METTL16: variants seen among roughly 807,000 people sequenced by gnomAD.
METTL16 encodes methyltransferase 16, RNA N6-adenosine.
In METTL16, 19 loss-of-function variants were observed where a neutral mutation model predicts 57.9. The ratio of observed to expected loss-of-function variants is 0.33; its 90% confidence interval spans 0.23 to 0.48. METTL16 has a LOEUF of 0.48. Ranked by LOEUF, METTL16 falls within the 20% of genes least tolerant of loss-of-function variation. The pLI is 0.99. For missense variants in METTL16, 434 were observed against 691.5 expected (o/e 0.63, Z 4.18); for synonymous variants, 246 against 255.6 (o/e 0.96, Z 0.36).
In METTL16 at chr17:2,441,453, AAGT is replaced by A. The variant is rs530731029; in HGVS notation, c.798+34_798+36del. 245 of 1,471,096 alleles carry A rather than the reference AAGT, an allele frequency of 1.7e-4. No individual in the cohort carries two copies. The African/African-American group carries it at 3.2e-3, about 19-fold the overall frequency. 91.1% of individuals were successfully genotyped at this position (1,471,096 alleles called of 1,614,324 possible). On this transcript the variant is annotated intron_variant, in intron 7 of 9. Coordinates refer to ENST00000263092, the MANE Select transcript of METTL16 (RefSeq NM_024086.4). ...ACTTGTGCCCCATGGATACAAAGAA[AAGT>A]AGCTACACGAGAACAGTAATGAGGA...
intron 2 of METTL16, among the ~76,000 whole-genome samples, chr17:2,487,562 T>A (rs934941596): frequency 6.6e-6 from 1 of 152,142 alleles, no homozygotes; most frequent in African/African-American, 2.4e-5. Context: ...AGGGTATCCA[T>A]GAAGGATAAA....
chr17:2,439,407 C>T (rs991390708), intron 7 of METTL16, among the ~76,000 whole-genome samples: 9 of 152,092 alleles, frequency 5.9e-5, no homozygotes, highest in Admixed American at 2.0e-4. Context: ...CCACTTTGCC[C>T]GGCCTGGGAG....
intron 2 of METTL16, among the ~76,000 whole-genome samples, chr17:2,499,063 C>T (rs1198281814): frequency 6.6e-6 from 1 of 151,600 alleles, no homozygotes; most frequent in Non-Finnish European, 1.5e-5. Flanking sequence ...TTCTCTAAAT[C>T]CCAAAGTCAG....
intron 6 of METTL16, among the ~76,000 whole-genome samples, chr17:2,446,815 G>A (rs1342618790): frequency 6.6e-6 from 1 of 152,128 alleles, no homozygotes; most frequent in Non-Finnish European, 1.5e-5. Flanking sequence ...GCTCCTAGCC[G>A]TGAGTGATCC....
intron 7 of METTL16, among the ~76,000 whole-genome samples, chr17:2,440,996 A>G (rs1312227638): frequency 1.4e-5 from 2 of 143,508 alleles, no homozygotes; most frequent in Non-Finnish European, 3.0e-5. Flanking sequence ...AAAAAAAAAA[A>G]GAAGAAGAAG....
At chr17:2,438,851 C>T (rs1437579836) in intron 7 of METTL16, among the ~76,000 whole-genome samples, 1 of 152,130 alleles carries the variant, frequency 6.6e-6, no homozygotes, top group African/African-American at 2.4e-5. Context: ...CTGGGCTAGA[C>T]ACAGGTAGGT....
At chr17:2,426,469 G>C (rs1038335693) in intron 8 of METTL16, among the ~76,000 whole-genome samples, 4 of 152,072 alleles carry the variant, frequency 2.6e-5, no homozygotes, top group Non-Finnish European at 5.9e-5. Context: ...CATGGCTCAC[G>C]CCTGTAATCC....
At chr17:2,456,156 C>T (rs561323799) in intron 6 of METTL16, among the ~76,000 whole-genome samples, 2 of 152,078 alleles carry the variant, frequency 1.3e-5, no homozygotes, top group Non-Finnish European at 2.9e-5. Context: ...ATTGCAAAAA[C>T]GCTGCACTAC....
In METTL16 at chr17:2,502,183, GATTTTTC is replaced by G; in HGVS notation, c.128+14_128+20del. On this transcript the variant is annotated intron_variant, in intron 2 of 9. Transcript: ENST00000263092. ...ATTTGAATCACACAAGAATAACAGT[GATTTTTC>G]ATCCGTTACCTACCTCACTCTTCCA... The G allele has an allele frequency of 6.2e-7, 1 of 1,610,102 alleles. No individual in the cohort carries two copies. Among genetic ancestry groups the G allele is most frequent in the Non-Finnish European group, 8.5e-7 (1 of 1,178,064 alleles).
chr17:2,472,859 A>C (rs2067243432), intron 4 of METTL16, among the ~76,000 whole-genome samples: 1 of 152,156 alleles, frequency 6.6e-6, no homozygotes, highest in African/African-American at 2.4e-5. Context: ...AGAGATGGAC[A>C]GTTGAGGCAC....
intron 8 of METTL16, among the ~76,000 whole-genome samples, chr17:2,437,367 A>C (rs2066916186): frequency 6.6e-6 from 1 of 152,184 alleles, no homozygotes; most frequent in Non-Finnish European, 1.5e-5. Context: ...CAATCCAAAA[A>C]GTCAACTTCT....
At position 2,418,498 on chromosome 17, in the gene METTL16, G is replaced by A. The variant is rs1486207831; in HGVS notation, c.*1472C>T. 1 of 152,450 alleles carries A rather than the reference G, an allele frequency of 6.6e-6. No individual in the cohort carries two copies. Among genetic ancestry groups the A allele is most frequent in the Non-Finnish European group, 1.5e-5 (1 of 68,222 alleles). 9.4% of individuals were successfully genotyped at this position (152,450 alleles called of 1,614,324 possible). On this transcript the variant is annotated 3_prime_UTR_variant, in exon 10 of 10. Transcript: ENST00000263092. ...CCAGCTACTTGGGAGGCTGAGGCAG[G>A]AGAATCGCTTGAACCCGGGAGGCGG... is the stretch of plus-strand genomic sequence containing the variant.
At chr17:2,500,591 C>A (rs565679086) in intron 2 of METTL16, among the ~76,000 whole-genome samples, 1 of 151,996 alleles carries the variant, frequency 6.6e-6, no homozygotes, top group African/African-American at 2.4e-5. Context: ...CACTATTATT[C>A]TTTCCCTTCC....
chr17:2,445,094 C>T (rs999134838), intron 6 of METTL16, among the ~76,000 whole-genome samples: 3 of 152,166 alleles, frequency 2.0e-5, no homozygotes, highest in African/African-American at 7.2e-5. Context: ...TCGTGATCCA[C>T]CCACCTTGGC....
intron 8 of METTL16, among the ~76,000 whole-genome samples, chr17:2,421,761 A>G (rs1432222323): frequency 6.6e-6 from 1 of 152,190 alleles, no homozygotes; most frequent in Non-Finnish European, 1.5e-5. Flanking sequence ...ATGAGATGAC[A>G]TGCGAGGAAG....
intron 6 of METTL16, among the ~76,000 whole-genome samples, chr17:2,458,668 C>T (rs1567893035): frequency 6.6e-6 from 1 of 152,220 alleles, no homozygotes; most frequent in East Asian, 1.9e-4. Flanking sequence ...GACAAGATCA[C>T]TCCACCTCAC....
At chr17:2,424,107 A>AT (rs369926688) in intron 8 of METTL16, 90 of 42,894 alleles carry the variant, frequency 2.1e-3, no homozygotes, top group African/African-American at 7.1e-3. Context: ...ATTTTATTTT[A>AT]TTTTATTATT....
intron 5 of METTL16, among the ~76,000 whole-genome samples, chr17:2,464,986 A>G (rs528834505): frequency 6.6e-6 from 1 of 152,370 alleles, no homozygotes; most frequent in Admixed American, 6.5e-5. Flanking sequence ...GAAAGTGAGA[A>G]GACAACCCAC....
At chr17:2,495,102 T>A (rs1257819939) in intron 2 of METTL16, among the ~76,000 whole-genome samples, 1 of 150,464 alleles carries the variant, frequency 6.6e-6, no homozygotes, top group East Asian at 1.9e-4. Flanking sequence ...GTAATCCCAA[T>A]ACTTTCAGAG....
Sources: gnomAD v4.1 joint callset for allele counts (sites outside exome capture counted in the v4.1 genomes callset) on GRCh38, gnomAD v4.1.1 for gene constraint, MANE v1.5 for transcripts, NCBI Gene and HGNC (gene_info 2026-07-23, HGNC 2026-07-21) for gene names.